Variants in DHX35 observed in about 807,000 individuals in gnomAD.
DHX35 encodes probable ATP-dependent RNA helicase DHX35.
DHX35 carries 84 observed loss-of-function variants against 99.6 expected under a neutral mutation model. The observed-to-expected ratio is 0.84, with a 90% CI of 0.71 to 1.01. The LOEUF is 1.01. Among genes scored for constraint, DHX35 ranks in the 50% least tolerant of loss-of-function variants. The pLI is 0.00. For synonymous variants in DHX35, 331 were observed against 316.2 expected, an observed-to-expected ratio of 1.05 and a Z score of -0.50; for missense variants, 852 against 888.5, an observed-to-expected ratio of 0.96 and a Z score of 0.52.
intron 14 of DHX35, among the ~76,000 whole-genome samples, chr20:39,016,712 C>T (rs2086790992): frequency 6.6e-6 from 1 of 152,090 alleles, no homozygotes; most frequent in Non-Finnish European, 1.5e-5. Context: ...TATAGCCATC[C>T]TAGTGGGTGT....
At position 39,017,710 on chromosome 20, in the gene DHX35, G is replaced by A. The variant is rs1000805222; in HGVS notation, c.1403-1094G>A. Reference sequence around the variant, plus strand: ...AATCCAATACCTGGATATTGGCAAGGTATTGCCAATAGAGGGCAAGAAGGG... The same window carrying A: ...AATCCAATACCTGGATATTGGCAAGATATTGCCAATAGAGGGCAAGAAGGG... On this transcript the variant is annotated intron_variant, in intron 14 of 21. Transcript: ENST00000252011. Among the ~76,000 whole-genome samples, 11 of 152,204 alleles carry A rather than the reference G, an allele frequency of 7.2e-5. No homozygotes were observed. In the East Asian group the frequency reaches 1.9e-3, roughly 27 times the overall value.
intron 8 of DHX35, 132 bp downstream of exon 8, chr20:38,995,012 C>A: frequency 1.5e-6 from 1 of 684,374 alleles, no homozygotes; most frequent in South Asian, 2.0e-5. Context: ...CATCTGATGT[C>A]CTAGATTTCA....
chr20:39,007,402 A>T lies in DHX35; in HGVS notation c.1222+1046A>T, dbSNP rs188259447. ...GCATATTATGGTATGATAGGGAGCC[A>T]TAAAGAATCGGGAGCCTTGGAAGCA... On this transcript the variant is annotated intron_variant, in intron 12 of 21. Transcript: ENST00000252011. Among the ~76,000 whole-genome samples the T allele has an allele frequency of 2.1e-3, 320 of 152,356 alleles. 1 individual carries two copies. The highest frequency in any genetic ancestry group is 7.4e-3 in the African/African-American group (308 of 41,576).
intron 2 of DHX35, 61 bp downstream of exon 2, chr20:38,969,275 G>A: frequency 6.5e-7 from 1 of 1,539,898 alleles, no homozygotes; most frequent in Non-Finnish European, 8.8e-7. Flanking sequence ...TTAGCTTTAT[G>A]CTCAGCACTG....
chr20:38,977,921 CA>C, intron 3 of DHX35: 1 of 593,990 alleles, frequency 1.7e-6, no homozygotes, highest in East Asian at 3.5e-5. Flanking sequence ...TCCTCATCAT[CA>C]AAATCATCAT....
intron 21 of DHX35, among the ~76,000 whole-genome samples, 185 bp from the exon 22 acceptor site, chr20:39,038,314 G>A (rs1469926551): frequency 6.6e-6 from 1 of 152,228 alleles, no homozygotes; most frequent in African/African-American, 2.4e-5. Context: ...GCTGAATTCA[G>A]GTCGGCTTCT....
chr20:39,022,951 G>A (rs1410943313), intron 16 of DHX35, among the ~76,000 whole-genome samples: 1 of 152,266 alleles, frequency 6.6e-6, no homozygotes, highest in Non-Finnish European at 1.5e-5. Context: ...GAATTTGTAT[G>A]TGTAATGAGG....
At chr20:39,011,886 G>A (rs1301157499) in intron 13 of DHX35, among the ~76,000 whole-genome samples, 3 of 152,164 alleles carry the variant, frequency 2.0e-5, no homozygotes, top group Non-Finnish European at 4.4e-5. Context: ...AGAAAATTGT[G>A]TACTTACCAT....
Position 38,962,401 on chromosome 20 carries a change from C to T in DHX35, c.34C>T (p.Arg12Ter), listed in dbSNP as rs763374555. The T allele has an allele frequency of 1.9e-6, 3 of 1,612,692 alleles. No homozygotes were observed. The highest frequency in any genetic ancestry group is 2.5e-6 in the Non-Finnish European group (3 of 1,179,284). Residue 12 changes from arginine (R) to a stop codon, truncating the protein, a stop_gained, in exon 1 of 22, where the codon CGA becomes TGA. Coordinates refer to ENST00000252011, the MANE Select transcript of DHX35 (RefSeq NM_021931.4). LOFTEE classifies it high-confidence loss of function. Reference protein sequence around the residue: ...AAPVGPVKFWRPGTEGPGVSI... With the variant: ...AAPVGPVKFW ...GCCCGTGGGACCGGTGAAGTTCTGG[C>T]GACCCGGTAAGGCCCTTGGTGGAAC...
rs1172393998 is a variant in DHX35, at chr20:39,006,437, A to G, written c.1222+81A>G. 2.7e-6 allele frequency: 4 copies of G among 1,466,792 alleles called. No homozygotes were observed. The East Asian group carries it at 9.2e-5, about 34-fold the overall frequency. 90.9% of individuals were successfully genotyped at this position (1,466,792 alleles called of 1,614,324 possible). ...AGAGTGTAGCAAATGTTTACTCCTA[A>G]TGGTAGAACTTAACATAAAATACAG... On this transcript the variant is annotated intron_variant, in intron 12 of 21. Coordinates refer to ENST00000252011, the MANE Select transcript of DHX35 (RefSeq NM_021931.4).
chr20:39,037,166 A>G (rs781782340), intron 21 of DHX35, among the ~76,000 whole-genome samples: 2 of 152,174 alleles, frequency 1.3e-5, no homozygotes, highest in Non-Finnish European at 2.9e-5. Context: ...CCCATCCCCA[A>G]GCTAAGGCCG....
intron 2 of DHX35, among the ~76,000 whole-genome samples, chr20:38,971,393 T>G (rs6028232): frequency 0.38 from 57,485 of 151,814 alleles, 11,459 homozygotes; most frequent in Middle Eastern, 0.51. Context: ...AACTAAAGCA[T>G]CAAGAGATTG....
chr20:39,016,727 T>C (rs568148838), intron 14 of DHX35, among the ~76,000 whole-genome samples: 11 of 152,294 alleles, frequency 7.2e-5, no homozygotes, highest in Non-Finnish European at 1.3e-4. Flanking sequence ...GGGTGTGAAA[T>C]GGTATCTCTT....
intron 7 of DHX35, among the ~76,000 whole-genome samples, chr20:38,993,863 T>G (rs1311238598): frequency 2.1e-4 from 32 of 152,108 alleles, no homozygotes; most frequent in Admixed American, 2.0e-3. Flanking sequence ...AGCAAAAAAC[T>G]TTTAGGTTGG....
intron 21 of DHX35, among the ~76,000 whole-genome samples, chr20:39,036,726 CAAAA>C (rs60032935): frequency 1.0e-3 from 54 of 51,694 alleles, no homozygotes; most frequent in African/African-American, 4.1e-3. Flanking sequence ...ACTGTCCCCC[CAAAA>C]AAAAAAAAAA....
intron 7 of DHX35, among the ~76,000 whole-genome samples, chr20:38,994,531 C>A (rs1419408001): frequency 6.6e-6 from 1 of 150,764 alleles, no homozygotes; most frequent in Non-Finnish European, 1.5e-5. Flanking sequence ...TCAGTAAATT[C>A]AAATTTGGGT....
At chr20:38,991,651 G>C in intron 6 of DHX35, 136 bp downstream of exon 6, 1 of 671,842 alleles carries the variant, frequency 1.5e-6, no homozygotes. Context: ...TTGGCTGTTG[G>C]GACCCTTGGT....
At chr20:38,980,511 G>GTTT (rs397953645) in intron 3 of DHX35, among the ~76,000 whole-genome samples, 19,010 of 136,696 alleles carry the variant, frequency 0.14, 1,381 homozygotes, top group Middle Eastern at 0.19. Flanking sequence ...TTATAGTTCT[G>GTTT]TTTTTTTTTT....
chr20:38,966,342 G>T (rs1409438335), intron 1 of DHX35, among the ~76,000 whole-genome samples: 1 of 152,180 alleles, frequency 6.6e-6, no homozygotes. Context: ...ATGAGGAGAA[G>T]GTATACTGTT....
Sources: gnomAD v4.1 joint callset for allele counts (sites outside exome capture counted in the v4.1 genomes callset) on GRCh38, gnomAD v4.1.1 for gene constraint, MANE v1.5 for transcripts, NCBI Gene and HGNC (gene_info 2026-07-23, HGNC 2026-07-21) for gene names.